KANSL1L: variants seen among roughly 807,000 people sequenced by gnomAD.
KANSL1L encodes the protein KAT8 regulatory NSL complex subunit 1-like protein.
Under a neutral mutation model 108.6 loss-of-function variants are expected in KANSL1L, and 25 were observed. That is an observed-to-expected ratio of 0.23 (90% CI 0.17 to 0.32). The LOEUF (loss-of-function observed/expected upper bound fraction) is 0.32. Ranked by LOEUF, KANSL1L falls within the 10% of genes least tolerant of loss-of-function variation. The probability of loss-of-function intolerance (pLI) is 1.00; values close to 1 mark genes in which losing one functional copy is unlikely to be tolerated. For synonymous variants in KANSL1L, 405 were observed against 395.1 expected, an observed-to-expected ratio of 1.03 and a Z score of -0.30; for missense variants, 1,137 against 1,125.7, an observed-to-expected ratio of 1.01 and a Z score of -0.14.
At position 210,043,943 on chromosome 2, in the gene KANSL1L, T is replaced by A; in HGVS notation, c.1917A>T (p.Pro639=). The stretch of plus-strand genomic sequence containing the variant: ...AATTGTTACAAGGAGGCTTACCTGA[T>A]GGCAATGATAGAACAGAATGGAAAG... The part of the protein sequence containing the change: ...DSSFHSVLSL[P]SDVPLHFHFE... Residue 639 remains proline, a synonymous_variant, in exon 7 of 15, where the codon CCA becomes CCT. Coordinates refer to ENST00000281772, the MANE Select transcript of KANSL1L (RefSeq NM_152519.4). 1.3e-6 allele frequency: 2 copies of A among 1,582,498 alleles called. No homozygotes were observed. The highest frequency in any genetic ancestry group is 1.7e-6 in the Non-Finnish European group (2 of 1,164,736).
intron 6 of KANSL1L, among the ~76,000 whole-genome samples, chr2:210,071,377 C>A (rs950979048): frequency 6.6e-6 from 1 of 151,938 alleles, no homozygotes; most frequent in African/African-American, 2.4e-5. Context: ...AAGCGATTCT[C>A]ATGCTTCAGC....
intron 1 of KANSL1L, among the ~76,000 whole-genome samples, chr2:210,167,215 C>G (rs1458139554): frequency 6.6e-6 from 1 of 151,978 alleles, no homozygotes; most frequent in Non-Finnish European, 1.5e-5. Flanking sequence ...CTTCATGCCA[C>G]TTTACAGGAA....
At chr2:210,087,497 A>G (rs1373033475) in intron 5 of KANSL1L, among the ~76,000 whole-genome samples, 4 of 152,178 alleles carry the variant, frequency 2.6e-5, no homozygotes, top group Non-Finnish European at 5.9e-5. Flanking sequence ...TAGAATATCA[A>G]TCTGACTATA....
intron 6 of KANSL1L, among the ~76,000 whole-genome samples, chr2:210,067,477 T>C (rs757446244): frequency 6.6e-6 from 1 of 152,064 alleles, no homozygotes; most frequent in Non-Finnish European, 1.5e-5. Flanking sequence ...GGTGGGCAGA[T>C]ACTTGAGCTC....
chr2:210,154,172 A>T lies in KANSL1L; in HGVS notation c.411T>A (p.Pro137=). ...SHSEEFIKKE[P]LSDTTSQCMK... is the part of the protein sequence containing the mutation. ...TGCACTGGCTCGTGGTATCTGATAG[A>T]GGCTCCTTTTTGATGAACTCTTCAG... Residue 137 remains proline (P), a synonymous_variant, in exon 2 of 15, where the codon CCT becomes CCA. Transcript: ENST00000281772. 1 of 1,613,944 alleles carries T rather than the reference A, an allele frequency of 6.2e-7. No homozygotes were observed. Among genetic ancestry groups the T allele is most frequent in the South Asian group, 1.1e-5 (1 of 91,064 alleles).
At chr2:210,062,350 C>T (rs914688131) in intron 6 of KANSL1L, among the ~76,000 whole-genome samples, 1 of 152,150 alleles carries the variant, frequency 6.6e-6, no homozygotes, top group African/African-American at 2.4e-5. Context: ...TTTTTTCCTC[C>T]CAGTCTCGGG....
Position 210,023,079 on chromosome 2 carries a change from G to A in KANSL1L, c.2834C>T (p.Thr945Ile). Residue 945 changes from threonine to isoleucine, a missense_variant, in exon 15 of 15, where the codon ACA (threonine) becomes ATA (isoleucine). By Grantham distance (89) the Thr-to-Ile change is moderately conservative. This residue lies in a region of KANSL1L where 575 missense variants were observed against 567.1 expected (regional missense o/e 1.01). Transcript: ENST00000281772. ...ACCGAAGATTTCACCATGGAAAGCT[G>A]TGCTTGACCTTTCAACCTGATCCTT... is the stretch of plus-strand genomic sequence containing the variant. The part of the protein sequence containing the change: ...EKKDQVERSS[T>I]AFHGEIFGTS... The A allele has an allele frequency of 6.2e-7, 1 of 1,613,916 alleles. No homozygotes were observed. The highest frequency in any genetic ancestry group is 1.1e-5 in the South Asian group (1 of 91,070).
chr2:210,024,036 G>A lies in KANSL1L; in HGVS notation c.2730C>T (p.Thr910=), dbSNP rs775351705. 1 of 1,562,732 alleles carries A rather than the reference G, an allele frequency of 6.4e-7. No individual in the cohort carries two copies. Among genetic ancestry groups the A allele is most frequent in the Non-Finnish European group, 8.7e-7 (1 of 1,154,018 alleles). Residue 910 remains threonine, a synonymous_variant, in exon 14 of 15, where the codon ACC becomes ACT. Coordinates refer to ENST00000281772, the MANE Select transcript of KANSL1L (RefSeq NM_152519.4). The stretch of plus-strand genomic sequence containing the variant: ...TAATCATACATATTACACTTACCTT[G>A]GTTTCTTGACTTTGATTTAAAGAAG... The part of the protein sequence containing the change: ...GLPSLNQSQE[T]KSLWWERRAF...
At chr2:210,053,570 G>A (rs760940746) in intron 6 of KANSL1L, among the ~76,000 whole-genome samples, 2 of 151,946 alleles carry the variant, frequency 1.3e-5, no homozygotes, top group Non-Finnish European at 1.5e-5. Context: ...GCACTCTAGC[G>A]TGGGAAATAA....
At position 210,106,480 on chromosome 2, in the gene KANSL1L, C is replaced by G. The variant is rs547932470; in HGVS notation, c.1231-2179G>C. 7.9e-5 allele frequency among the ~76,000 whole-genome samples: 12 copies of G among 152,136 alleles called. No homozygotes were observed. The East Asian group carries it at 1.9e-3, about 24-fold the overall frequency. On this transcript the variant is annotated intron_variant, in intron 3 of 14. Coordinates refer to ENST00000281772, the MANE Select transcript of KANSL1L (RefSeq NM_152519.4). Reference sequence around the variant, plus strand: ...AAAGAATTATATTTTTAAAATTCAACCAGGGAGGCAGGGCATGGTGGTTTA... The same window carrying G: ...AAAGAATTATATTTTTAAAATTCAAGCAGGGAGGCAGGGCATGGTGGTTTA...
Position 210,154,335 on chromosome 2 carries a change from A to G in KANSL1L, c.248T>C (p.Met83Thr). Residue 83 changes from methionine to threonine, a missense_variant, in exon 2 of 15, where the codon ATG becomes ACG. Met to Thr is a moderately conservative substitution (Grantham distance 81). This residue lies in a region of KANSL1L where 556 missense variants were observed against 537.7 expected (regional missense o/e 1.03). Transcript: ENST00000281772. ...SSKHYQTVFL[M>T]RSNSTLNKHN... ...TTTATTTAATGTAGAATTAGATCTCATTAAAAAAACAGTCTGGTAATGTTT... is the reference window on the plus strand; with the variant it reads ...TTTATTTAATGTAGAATTAGATCTCGTTAAAAAAACAGTCTGGTAATGTTT... 1 of 1,611,204 alleles carries G rather than the reference A, an allele frequency of 6.2e-7. No individual in the cohort carries two copies. Among genetic ancestry groups the G allele is most frequent in the Middle Eastern group, 1.7e-4 (1 of 6,036 alleles).
At chr2:210,031,670 A>C in intron 8 of KANSL1L, 124 bp from the exon 9 acceptor site, 1 of 570,824 alleles carries the variant, frequency 1.8e-6, no homozygotes, top group Non-Finnish European at 3.0e-6. Context: ...AGATAAACAT[A>C]AATACCAAGA....
At chr2:210,137,190 C>A (rs977428810) in intron 2 of KANSL1L, among the ~76,000 whole-genome samples, 1 of 152,128 alleles carries the variant, frequency 6.6e-6, no homozygotes, top group African/African-American at 2.4e-5. Context: ...TAGTCAATTT[C>A]TTTTTAACAC....
rs2094825846 is a variant in KANSL1L at position 210,104,386 on chromosome 2, G to A, written c.1231-85C>T. On this transcript the variant is annotated intron_variant, in intron 3 of 14. Transcript: ENST00000281772. Reference sequence around the variant, plus strand: ...AATGCTACAATGCACTTGAATCTATGCTTCCACTTATCTCTTGGAATTCAG... The same window carrying A: ...AATGCTACAATGCACTTGAATCTATACTTCCACTTATCTCTTGGAATTCAG... 20 of 884,320 alleles carry A rather than the reference G, an allele frequency of 2.3e-5. No homozygotes were observed. The South Asian group carries it at 3.1e-4, about 14-fold the overall frequency. 54.8% of individuals were successfully genotyped at this position (884,320 alleles called of 1,614,324 possible). A position where few individuals can be genotyped will look rare whatever the true frequency, so the allele number is the denominator to read the frequency against.
intron 1 of KANSL1L, among the ~76,000 whole-genome samples, chr2:210,156,893 T>G (rs1270875073): frequency 6.6e-6 from 1 of 152,012 alleles, no homozygotes; most frequent in Non-Finnish European, 1.5e-5. Flanking sequence ...TCTCAAAATG[T>G]AATTTCTATA....
chr2:210,109,401 C>T (rs1417077408), intron 3 of KANSL1L, among the ~76,000 whole-genome samples: 1 of 152,104 alleles, frequency 6.6e-6, no homozygotes, highest in Non-Finnish European at 1.5e-5. Context: ...CTTTTCAGAC[C>T]TATCCCTATC....
At chr2:210,142,699 TC>T (rs1342135305) in intron 2 of KANSL1L, among the ~76,000 whole-genome samples, 3 of 152,168 alleles carry the variant, frequency 2.0e-5, no homozygotes, top group African/African-American at 7.2e-5. Context: ...TTTTAAAATT[TC>T]TCTTTAAATT....
chr2:210,044,030 A>G lies in KANSL1L; in HGVS notation c.1830T>C (p.Ser610=), dbSNP rs745507577. Residue 610 remains serine (S), a synonymous_variant, in exon 7 of 15, where the codon AGT becomes AGC. Coordinates refer to ENST00000281772, the MANE Select transcript of KANSL1L (RefSeq NM_152519.4). The surrounding 1 kb of genome is among the most constrained non-coding windows in gnomAD (Gnocchi z 4.2). ...MPCLQSASTW[S]SYEHNSESYL... is the part of the protein sequence containing the mutation. ...AAGACTCCGAATTGTGTTCATAGCT[A>G]CTCCAAGTTGAAGCTGATTGCAGGC... The G allele has an allele frequency of 6.2e-7, 1 of 1,608,242 alleles. No homozygotes were observed. Among genetic ancestry groups the G allele is most frequent in the Non-Finnish European group, 8.5e-7 (1 of 1,176,372 alleles).
At chr2:210,158,261 A>C (rs1176109436) in intron 1 of KANSL1L, among the ~76,000 whole-genome samples, 4 of 152,182 alleles carry the variant, frequency 2.6e-5, no homozygotes, top group African/African-American at 9.7e-5. Context: ...TCTCTTATTC[A>C]GGGAAGCCAG....
Sources: gnomAD v4.1 joint callset for allele counts (sites outside exome capture counted in the v4.1 genomes callset) on GRCh38, gnomAD v4.1.1 for gene constraint, gnomAD v4.1.1 regional missense constraint, Gnocchi (gnomAD v3.1) non-coding constraint, MANE v1.5 for transcripts, NCBI Gene and HGNC (gene_info 2026-07-23, HGNC 2026-07-21) for gene names.